Variants in ARHGEF3 observed in about 807,000 individuals in gnomAD.
ARHGEF3 encodes 59.8 kDA protein.
A neutral mutation model predicts 63.2 loss-of-function variants in ARHGEF3; 28 were observed. The observed-to-expected ratio is 0.44, with a 90% CI of 0.33 to 0.61. The LOEUF (loss-of-function observed/expected upper bound fraction) is 0.61, where lower values mean the gene tolerates loss of function less well. Among genes scored for constraint, ARHGEF3 ranks in the 20% least tolerant of loss-of-function variants. The probability of loss-of-function intolerance (pLI) is 0.03; values close to 1 mark genes in which losing one functional copy is unlikely to be tolerated. For missense variants in ARHGEF3, 533 were observed against 659.3 expected (o/e 0.81, Z 2.10); for synonymous variants, 266 against 254.2 (o/e 1.05, Z -0.44).
chr3:57,061,058 C>A (rs998833179), intron 1 of ARHGEF3, among the ~76,000 whole-genome samples: 1 of 152,164 alleles, frequency 6.6e-6, no homozygotes, highest in Non-Finnish European at 1.5e-5. Context: ...TTGTACAACT[C>A]TTACCATTAT....
chr3:57,066,558 C>G (rs544018354), intron 1 of ARHGEF3, among the ~76,000 whole-genome samples: 2 of 152,350 alleles, frequency 1.3e-5, no homozygotes, highest in African/African-American at 4.8e-5. Context: ...CCACCGCGCC[C>G]AGGCTTTTGC....
rs140722767 is a variant in ARHGEF3, at chr3:56,856,643, T to C, written c.192+25649A>G. 6.7e-4 allele frequency among the ~76,000 whole-genome samples: 101 copies of C among 151,630 alleles called. 3 individuals are homozygous for C. In the South Asian group the frequency reaches 0.019, roughly 28 times the overall value. On this transcript the variant is annotated intron_variant, in intron 4 of 12. Transcript: ENST00000338458. ...GCCCTTCTACAGCCCTTCATTTGCTTATACCTCTTGTTTTAGAATTTTCCT... is the reference window on the plus strand; with the variant it reads ...GCCCTTCTACAGCCCTTCATTTGCTCATACCTCTTGTTTTAGAATTTTCCT...
chr3:56,814,988 A>AT (rs1217534083), intron 4 of ARHGEF3, among the ~76,000 whole-genome samples: 1 of 152,052 alleles, frequency 6.6e-6, no homozygotes, highest in Non-Finnish European at 1.5e-5. Flanking sequence ...AATTATTATT[A>AT]TAACAATTAG....
intron 4 of ARHGEF3, among the ~76,000 whole-genome samples, chr3:56,819,443 G>C (rs1318284894): frequency 6.6e-6 from 1 of 151,496 alleles, no homozygotes; most frequent in Non-Finnish European, 1.5e-5. Context: ...TGTGGAGCTA[G>C]TTTATTCTTT....
At chr3:56,765,246 C>T (rs1399502652) in intron 2 of ARHGEF3, among the ~76,000 whole-genome samples, 2 of 152,094 alleles carry the variant, frequency 1.3e-5, no homozygotes, top group Non-Finnish European at 2.9e-5. Context: ...TTGTTTTAGG[C>T]TTTTAGCAGC....
At chr3:56,782,557 G>A (rs2036609737) in intron 1 of ARHGEF3, among the ~76,000 whole-genome samples, 1 of 151,820 alleles carries the variant, frequency 6.6e-6, no homozygotes, top group African/African-American at 2.4e-5. Context: ...AGGCATCCAA[G>A]GGGGATTTGA....
intron 2 of ARHGEF3, among the ~76,000 whole-genome samples, chr3:56,961,602 C>T (rs1243205836): frequency 6.6e-6 from 1 of 151,250 alleles, no homozygotes; most frequent in Non-Finnish European, 1.5e-5. Flanking sequence ...ATTCGGGATA[C>T]TGTTGGGCAA....
intron 3 of ARHGEF3, chr3:56,882,368 GA>G: frequency 6.4e-7 from 1 of 1,550,688 alleles, no homozygotes; most frequent in Non-Finnish European, 8.7e-7. Context: ...CAAAACAAAC[GA>G]AAAAACAAAG....
chr3:56,993,814 T>C lies in ARHGEF3; in HGVS notation c.63-34925A>G, dbSNP rs1306702143. ...CAGGCGCGGTGGCTCACGCCTGTAA[T>C]CCCAGCACTTTGGGAGGCCAAGGTA... On this transcript the variant is annotated intron_variant, in intron 2 of 12. Transcript: ENST00000338458. Among the ~76,000 whole-genome samples, 7 of 146,956 alleles carry C rather than the reference T, an allele frequency of 4.8e-5. No homozygotes were observed. The South Asian group carries it at 7.2e-4, about 15-fold the overall frequency.
chr3:56,959,654 G>A (rs1174690708), intron 2 of ARHGEF3, among the ~76,000 whole-genome samples: 4 of 152,112 alleles, frequency 2.6e-5, no homozygotes. Flanking sequence ...CATCCACCTT[G>A]GACTTTTCCT....
intron 2 of ARHGEF3, among the ~76,000 whole-genome samples, chr3:56,980,378 A>C (rs1701279850): frequency 6.6e-6 from 1 of 152,232 alleles, no homozygotes; most frequent in Non-Finnish European, 1.5e-5. Flanking sequence ...TGAAAACTGT[A>C]CTGAAAGTGA....
At chr3:57,011,102 T>C (rs770598491) in intron 2 of ARHGEF3, among the ~76,000 whole-genome samples, 7 of 152,098 alleles carry the variant, frequency 4.6e-5, no homozygotes, top group South Asian at 2.1e-4. Context: ...GGAGCTATGA[T>C]GAACATGCAA....
At chr3:57,066,260 T>C (rs183794941) in intron 1 of ARHGEF3, among the ~76,000 whole-genome samples, 28 of 151,328 alleles carry the variant, frequency 1.9e-4, no homozygotes, top group Admixed American at 1.6e-3. Flanking sequence ...ATTACACTTT[T>C]CCTTTCTTTC....
chr3:57,027,869 TC>T (rs1160845507), intron 2 of ARHGEF3, among the ~76,000 whole-genome samples: 1 of 151,650 alleles, frequency 6.6e-6, no homozygotes, highest in Non-Finnish European at 1.5e-5. Flanking sequence ...AAAAAAAAAA[TC>T]AAAGGTACAG....
intron 2 of ARHGEF3, among the ~76,000 whole-genome samples, chr3:56,962,673 G>A (rs887143532): frequency 4.6e-5 from 7 of 152,126 alleles, no homozygotes; most frequent in Non-Finnish European, 8.8e-5. Context: ...TGTGGAGGGA[G>A]GTTACAACCT....
intron 3 of ARHGEF3, among the ~76,000 whole-genome samples, chr3:56,947,338 G>A (rs1397926549): frequency 6.6e-6 from 1 of 152,136 alleles, no homozygotes; most frequent in East Asian, 1.9e-4. Context: ...CTGGCAAATT[G>A]GATAAAGACT....
chr3:56,772,818 T>G (rs1475563027), intron 2 of ARHGEF3, among the ~76,000 whole-genome samples: 1 of 152,224 alleles, frequency 6.6e-6, no homozygotes, highest in Non-Finnish European at 1.5e-5. Context: ...TTTACAATGA[T>G]TCCATGAACG....
intron 2 of ARHGEF3, among the ~76,000 whole-genome samples, chr3:57,017,592 G>A (rs924136496): frequency 5.3e-5 from 8 of 152,174 alleles, no homozygotes; most frequent in Admixed American, 3.9e-4. Context: ...CTTGGTCCTT[G>A]AAGAAACAAA....
chr3:56,729,188 T>C lies in ARHGEF3; in HGVS notation c.*82A>G, dbSNP rs2032923993. 3.1e-6 allele frequency: 4 copies of C among 1,272,606 alleles called. No homozygotes were observed. Among genetic ancestry groups the C allele is most frequent in the Non-Finnish European group, 4.3e-6 (4 of 924,196 alleles). 78.8% of individuals were successfully genotyped at this position (1,272,606 alleles called of 1,614,324 possible). A position where few individuals can be genotyped will look rare whatever the true frequency, so the allele number is the denominator to read the frequency against. ...CTTTCACAAAAGTATGAAAAAGTGC[T>C]TCTCCAAACCGTTCCATCTGTGGAA... On this transcript the variant is annotated 3_prime_UTR_variant, in exon 10 of 10. Transcript: ENST00000296315.
Sources: allele counts gnomAD v4.1 joint callset (sites outside exome capture counted in the v4.1 genomes callset), GRCh38; gene constraint gnomAD v4.1.1; transcripts MANE v1.5; gene names NCBI Gene and HGNC (gene_info 2026-07-23, HGNC 2026-07-21).